The following CA10 variants were observed in gnomAD, a reference collection of about 807,000 sequenced individuals.
The protein encoded by CA10 is carbonic anhydrase-related protein 10.
In CA10, 14 loss-of-function variants were observed where a neutral mutation model predicts 44.2. The observed-to-expected ratio is 0.32, with a 90% CI of 0.21 to 0.50. The LOEUF (loss-of-function observed/expected upper bound fraction) is 0.50. Among genes scored for constraint, CA10 ranks in the 20% least tolerant of loss-of-function variants. The pLI is 0.99. For missense variants in CA10, 350 were observed against 409.7 expected (o/e 0.85, Z 1.26); for synonymous variants, 159 against 141.6 (o/e 1.12, Z -0.87).
intron 3 of CA10, among the ~76,000 whole-genome samples, chr17:51,760,675 ACT>A (rs1297135473): frequency 3.3e-5 from 5 of 152,138 alleles, no homozygotes; most frequent in African/African-American, 1.2e-4. Flanking sequence ...GAAATGAAAG[ACT>A]CTGTAGACAA....
intron 1 of CA10, among the ~76,000 whole-genome samples, chr17:52,152,407 T>C (rs1989722424): frequency 6.6e-6 from 1 of 152,146 alleles, no homozygotes; most frequent in South Asian, 2.1e-4. Flanking sequence ...TTGTTTCAGT[T>C]GGGACATTCT....
chr17:51,920,786 C>T (rs1982199477), intron 3 of CA10, among the ~76,000 whole-genome samples: 6 of 152,186 alleles, frequency 3.9e-5, no homozygotes, highest in Admixed American at 2.0e-4. Context: ...GCATCTTAGA[C>T]TTTCACATTT....
chr17:51,759,386 G>GTA (rs1905158364), intron 3 of CA10, among the ~76,000 whole-genome samples: 1 of 149,412 alleles, frequency 6.7e-6, no homozygotes, highest in Admixed American at 6.7e-5. Context: ...GTGTGTGTGT[G>GTA]TGTGCTTAAA....
intron 2 of CA10, among the ~76,000 whole-genome samples, chr17:51,996,658 T>C (rs1985247656): frequency 6.6e-6 from 1 of 152,054 alleles, no homozygotes; most frequent in Non-Finnish European, 1.5e-5. Flanking sequence ...GCATGTACTT[T>C]TCTCTACTTG....
chr17:52,072,454 G>A, intron 1 of CA10, 61 bp from the exon 2 acceptor site: 2 of 1,236,226 alleles, frequency 1.6e-6, no homozygotes, highest in Non-Finnish European at 2.4e-6. Context: ...TGTCCCGGCT[G>A]TCCGAGTAAG....
At chr17:51,673,615 T>C (rs1914507533) in intron 4 of CA10, among the ~76,000 whole-genome samples, 1 of 152,236 alleles carries the variant, frequency 6.6e-6, no homozygotes, top group South Asian at 2.1e-4. Flanking sequence ...CCAGTGCTAC[T>C]GCTTCAGATC....
intron 3 of CA10, among the ~76,000 whole-genome samples, chr17:51,750,206 G>A (rs1200726218): frequency 6.6e-6 from 1 of 151,930 alleles, no homozygotes; most frequent in Non-Finnish European, 1.5e-5. Flanking sequence ...ACAGCAAATC[G>A]ACCACAATTT....
intron 3 of CA10, among the ~76,000 whole-genome samples, chr17:51,870,062 A>G (rs868591249): frequency 6.6e-6 from 1 of 152,194 alleles, no homozygotes; most frequent in South Asian, 2.1e-4. Flanking sequence ...AGGCCAATCT[A>G]TTGCTGCATG....
At chr17:51,636,321 G>C (rs1432307993) in intron 6 of CA10, among the ~76,000 whole-genome samples, 1 of 152,172 alleles carries the variant, frequency 6.6e-6, no homozygotes, top group African/African-American at 2.4e-5. Context: ...TAGACTCTTA[G>C]AGCAGTAAAC....
At chr17:51,764,725 C>A (rs1905307701) in intron 3 of CA10, among the ~76,000 whole-genome samples, 1 of 152,196 alleles carries the variant, frequency 6.6e-6, no homozygotes, top group Non-Finnish European at 1.5e-5. Flanking sequence ...CTCCTAGCAT[C>A]TCCGTATTTC....
At chr17:51,895,342 A>C (rs1981023637) in intron 3 of CA10, among the ~76,000 whole-genome samples, 1 of 152,116 alleles carries the variant, frequency 6.6e-6, no homozygotes, top group African/African-American at 2.4e-5. Context: ...AAGTTAAAGA[A>C]GTACGTTTTC....
intron 1 of CA10, chr17:52,135,015 C>T (rs1433461144): frequency 3.9e-6 from 2 of 516,424 alleles, no homozygotes; most frequent in Admixed American, 3.9e-5. Context: ...ACCCAGACTG[C>T]CACCAGAGCC....
chr17:51,881,046 G>C (rs1980344172), intron 3 of CA10, among the ~76,000 whole-genome samples: 1 of 151,808 alleles, frequency 6.6e-6, no homozygotes, highest in African/African-American at 2.4e-5. Context: ...GACCATCCTG[G>C]CTAATACGGT....
intron 2 of CA10, among the ~76,000 whole-genome samples, chr17:51,976,320 A>C (rs1034201739): frequency 6.6e-6 from 1 of 152,204 alleles, no homozygotes; most frequent in African/African-American, 2.4e-5. Flanking sequence ...TTAAAACATT[A>C]CACATAAGAA....
At chr17:51,709,444 C>A (rs770974759) in intron 4 of CA10, among the ~76,000 whole-genome samples, 14 of 152,126 alleles carry the variant, frequency 9.2e-5, no homozygotes, top group African/African-American at 3.4e-4. Flanking sequence ...GAGACCTGAA[C>A]AATGGGAGGA....
intron 4 of CA10, among the ~76,000 whole-genome samples, chr17:51,690,500 C>A (rs1915157392): frequency 6.6e-6 from 1 of 152,144 alleles, no homozygotes; most frequent in Non-Finnish European, 1.5e-5. Flanking sequence ...AATTATCGCT[C>A]CCCTATTCCC....
At chr17:51,857,614 C>T (rs943219365) in intron 3 of CA10, among the ~76,000 whole-genome samples, 1 of 152,152 alleles carries the variant, frequency 6.6e-6, no homozygotes, top group Admixed American at 6.6e-5. Context: ...CATCAACTTA[C>T]TATCGCAACA....
chr17:51,660,371 G>A (rs981723149), intron 4 of CA10, among the ~76,000 whole-genome samples: 3 of 152,212 alleles, frequency 2.0e-5, no homozygotes, highest in Non-Finnish European at 4.4e-5. Context: ...ATTGGCCTTT[G>A]GTGACCGGTA....
chr17:51,702,213 C>A (rs992133547), intron 4 of CA10, among the ~76,000 whole-genome samples: 5 of 152,122 alleles, frequency 3.3e-5, no homozygotes, highest in Non-Finnish European at 5.9e-5. Flanking sequence ...CAGCACTGTG[C>A]AAGATAGATA....
Sources: gnomAD v4.1 joint callset for allele counts (sites outside exome capture counted in the v4.1 genomes callset) on GRCh38, gnomAD v4.1.1 for gene constraint, MANE v1.5 for transcripts, NCBI Gene and HGNC (gene_info 2026-07-23, HGNC 2026-07-21) for gene names.